The following CLASP1 variants were observed in gnomAD, a reference collection of about 807,000 sequenced individuals.
The protein encoded by CLASP1 is CLIP-associating protein 1.
CLASP1 carries 38 observed loss-of-function variants against 192.3 expected under a neutral mutation model. That is an observed-to-expected ratio of 0.20 (90% CI 0.15 to 0.26). The LOEUF is 0.26. Ranked by LOEUF, CLASP1 falls within the 10% of genes least tolerant of loss-of-function variation. The pLI, the probability that CLASP1 is intolerant of heterozygous loss-of-function variation, is 1.00. For missense variants in CLASP1, 1,433 were observed against 1,932.5 expected (o/e 0.74, Z 4.85); for synonymous variants, 691 against 712.8 (o/e 0.97, Z 0.49).
intron 8 of CLASP1, among the ~76,000 whole-genome samples, chr2:121,489,785 AG>A (rs1163529672): frequency 6.6e-6 from 1 of 152,242 alleles, no homozygotes; most frequent in Admixed American, 6.5e-5. Flanking sequence ...AATCTTTTAA[AG>A]GGGAAAAAAA....
chr2:121,594,299 C>CAA (rs370618050), intron 2 of CLASP1, among the ~76,000 whole-genome samples: 7,555 of 132,754 alleles, frequency 0.057, 245 homozygotes, highest in East Asian at 0.15. Flanking sequence ...GACTCCGTCT[C>CAA]AAAAAAAAAA....
intron 2 of CLASP1, among the ~76,000 whole-genome samples, chr2:121,581,998 A>G (rs752085748): frequency 2.0e-5 from 3 of 152,116 alleles, no homozygotes; most frequent in South Asian, 2.1e-4. Flanking sequence ...GCCTGTCCCA[A>G]CTGAAAACAC....
intron 29 of CLASP1, among the ~76,000 whole-genome samples, chr2:121,397,994 T>G (rs1265371240): frequency 6.6e-6 from 1 of 152,198 alleles, no homozygotes; most frequent in Non-Finnish European, 1.5e-5. Flanking sequence ...CTAGTTTAAA[T>G]ATTAATTGTG....
chr2:121,342,143 A>G (rs536016132), intron 39 of CLASP1, among the ~76,000 whole-genome samples: 1 of 151,508 alleles, frequency 6.6e-6, no homozygotes, highest in South Asian at 2.1e-4. Context: ...TTTTTTTGAG[A>G]CAGGGTCTCA....
chr2:121,448,860 C>T (rs1292415509), intron 17 of CLASP1, 93 bp downstream of exon 17: 1 of 1,274,280 alleles, frequency 7.8e-7, no homozygotes, highest in Non-Finnish European at 1.1e-6. Context: ...AACAAGCACC[C>T]ATGTAAAAAC....
intron 2 of CLASP1, among the ~76,000 whole-genome samples, chr2:121,592,856 G>A (rs1414886539): frequency 6.6e-6 from 1 of 152,092 alleles, no homozygotes; most frequent in Non-Finnish European, 1.5e-5. Context: ...GTTTCACCGT[G>A]CTAGCCAGGA....
At chr2:121,461,741 C>T (rs997339475) in intron 10 of CLASP1, among the ~76,000 whole-genome samples, 2 of 152,004 alleles carry the variant, frequency 1.3e-5, no homozygotes, top group African/African-American at 4.8e-5. Context: ...AGTGCAGTGG[C>T]GCAATCTCAA....
At chr2:121,641,405 T>A (rs1307343244) in intron 1 of CLASP1, among the ~76,000 whole-genome samples, 1 of 150,248 alleles carries the variant, frequency 6.7e-6, no homozygotes, top group East Asian at 1.9e-4. Context: ...CACAGGAGCC[T>A]AGCACACAAC....
chr2:121,419,201 T>C (rs1574572140), intron 22 of CLASP1, among the ~76,000 whole-genome samples: 2 of 152,152 alleles, frequency 1.3e-5, no homozygotes, highest in African/African-American at 4.8e-5. Flanking sequence ...CTGAAGTCCA[T>C]GAACTTACCT....
chr2:121,339,461 C>T (rs1159835145), exon 40 of CLASP1: 1 of 152,176 alleles, frequency 6.6e-6, no homozygotes, highest in Admixed American at 6.5e-5. Flanking sequence ...GGATCTAATA[C>T]AACAGTAAGA....
chr2:121,459,967 T>C lies in CLASP1; in HGVS notation c.1178+13A>G. On this transcript the variant is annotated intron_variant, in intron 12 of 39. Transcript: ENST00000263710. ...TATTTTATGGTGAGAATATGGAGCA[T>C]CGCAGTCCTTACCCCAACGTGATAC... 6.2e-7 allele frequency: 1 copy of C among 1,608,436 alleles called. No individual in the cohort carries two copies.
At chr2:121,553,317 C>T (rs1303435281) in intron 2 of CLASP1, among the ~76,000 whole-genome samples, 1 of 152,068 alleles carries the variant, frequency 6.6e-6, no homozygotes, top group African/African-American at 2.4e-5. Flanking sequence ...TGTAACAAAC[C>T]TTCACATGTA....
chr2:121,573,131 T>C (rs1251771272), intron 2 of CLASP1, among the ~76,000 whole-genome samples: 2 of 152,128 alleles, frequency 1.3e-5, no homozygotes, highest in African/African-American at 4.8e-5. Flanking sequence ...AGCTAGTTTT[T>C]GTATTTTTAG....
chr2:121,340,505 A>T, exon 40 of CLASP1: 1 of 195,940 alleles, frequency 5.1e-6, no homozygotes, highest in Non-Finnish European at 1.0e-5. Context: ...TATTAACTGA[A>T]AAAAAAAATG....
intron 7 of CLASP1, among the ~76,000 whole-genome samples, chr2:121,506,440 A>G (rs560215742): frequency 6.6e-6 from 1 of 152,192 alleles, no homozygotes; most frequent in East Asian, 1.9e-4. Flanking sequence ...AACATGGCGG[A>G]TACCCAAGAC....
intron 10 of CLASP1, 104 bp from the exon 11 acceptor site, chr2:121,461,297 AT>A: frequency 1.5e-6 from 1 of 659,644 alleles, no homozygotes; most frequent in East Asian, 2.9e-5. Flanking sequence ...AAAAGAAATT[AT>A]TTTTTTAAGA....
At chr2:121,525,623 G>C (rs1156716277) in intron 6 of CLASP1, among the ~76,000 whole-genome samples, 1 of 152,134 alleles carries the variant, frequency 6.6e-6, no homozygotes, top group Non-Finnish European at 1.5e-5. Flanking sequence ...GAAGAGGACA[G>C]ACTGGCCACC....
At chr2:121,422,680 C>CT (rs2079705217) in intron 22 of CLASP1, among the ~76,000 whole-genome samples, 1 of 152,046 alleles carries the variant, frequency 6.6e-6, no homozygotes, top group East Asian at 1.9e-4. Context: ...GAATTACAGG[C>CT]TGTTCTGCTT....
At chr2:121,642,486 A>C (rs577236510) in intron 1 of CLASP1, among the ~76,000 whole-genome samples, 1 of 150,948 alleles carries the variant, frequency 6.6e-6, no homozygotes, top group African/African-American at 2.4e-5. Flanking sequence ...TAATCCCAGC[A>C]TTTGGGAGGC....
Sources: gnomAD v4.1 joint callset for allele counts (sites outside exome capture counted in the v4.1 genomes callset) on GRCh38, gnomAD v4.1.1 for gene constraint, MANE v1.5 for transcripts, NCBI Gene and HGNC (gene_info 2026-07-23, HGNC 2026-07-21) for gene names.